AK5: variants seen among roughly 807,000 people sequenced by gnomAD.
AK5 encodes the protein adenylate kinase 5.
A neutral mutation model predicts 69.5 loss-of-function variants in AK5; 27 were observed. The ratio of observed to expected loss-of-function variants is 0.39; its 90% confidence interval spans 0.29 to 0.54. The LOEUF (loss-of-function observed/expected upper bound fraction) is 0.54, where lower values mean the gene tolerates loss of function less well. Among genes scored for constraint, AK5 ranks in the 20% least tolerant of loss-of-function variants. AK5 has a pLI of 0.71. For synonymous variants in AK5, 260 were observed against 244.4 expected (o/e 1.06, Z -0.60); for missense variants, 531 against 700.4 (o/e 0.76, Z 2.73).
chr1:77,497,937 A>G (rs1247841129), intron 10 of AK5, among the ~76,000 whole-genome samples: 1 of 99,836 alleles, frequency 1.0e-5, no homozygotes, highest in East Asian at 2.4e-4. Flanking sequence ...AGTGATGTAC[A>G]TTAAACAAGA....
chr1:77,502,855 T>G (rs1656802591), intron 10 of AK5, among the ~76,000 whole-genome samples: 1 of 152,150 alleles, frequency 6.6e-6, no homozygotes, highest in Non-Finnish European at 1.5e-5. Flanking sequence ...ACAATCCCTC[T>G]TGGACTACTC....
At chr1:77,341,674 C>A (rs1451713196) in intron 6 of AK5, among the ~76,000 whole-genome samples, 1 of 152,120 alleles carries the variant, frequency 6.6e-6, no homozygotes, top group Non-Finnish European at 1.5e-5. Context: ...AGAATAATTT[C>A]TTTGCAATCT....
rs1011017086 is a variant in AK5 at position 77,486,418 on chromosome 1, A to G, written c.1147+66A>G. On this transcript the variant is annotated intron_variant, in intron 10 of 13. Coordinates refer to ENST00000354567, the MANE Select transcript of AK5 (RefSeq NM_174858.3). ...AATAATAAGAATTTGGTAGTGGGCCAGGTGCGGTGGCTTACACCTGTAATC... is the reference window on the plus strand; with the variant it reads ...AATAATAAGAATTTGGTAGTGGGCCGGGTGCGGTGGCTTACACCTGTAATC... The G allele has an allele frequency of 3.1e-5, 39 of 1,259,844 alleles. 1 individual carries two copies. Among genetic ancestry groups the G allele is most frequent in the South Asian group, 1.0e-4 (8 of 79,778 alleles). The allele number at this position is 1,259,844 out of a possible 1,614,324, so 78.0% of individuals were successfully genotyped here.
At position 77,340,366 on chromosome 1, in the gene AK5, G is replaced by T; in HGVS notation, c.700-11G>T. 6.2e-7 allele frequency: 1 copy of T among 1,607,454 alleles called. No individual in the cohort carries two copies. Among genetic ancestry groups the T allele is most frequent in the Non-Finnish European group, 8.5e-7 (1 of 1,175,506 alleles). On this transcript the variant is annotated splice_polypyrimidine_tract_variant and intron_variant, in intron 5 of 13. Transcript: ENST00000354567. The stretch of plus-strand genomic sequence containing the variant: ...GTTGAATGCCTCTCTATTTGTTGAT[G>T]CTCTCCACAGATCTGTACCCCCGAT...
chr1:77,338,126 G>A (rs920299210), intron 5 of AK5, among the ~76,000 whole-genome samples: 3 of 152,016 alleles, frequency 2.0e-5, no homozygotes, highest in East Asian at 3.9e-4. Flanking sequence ...CATCGCACCC[G>A]GCTATTTTTT....
rs116049705 is a variant in AK5 at position 77,282,297 on chromosome 1, G to A, written c.-17G>A. 0.039 allele frequency: 60,295 copies of A among 1,546,406 alleles called. 1,466 individuals are homozygous for A. The highest frequency in any genetic ancestry group is 0.064 in the South Asian group (5,288 of 81,992). ...GGAGCCTCCCCGCTTGCGCCCCAAG[G>A]CACGCGCGGCACAGCCATGAACACC... On this transcript the variant is annotated 5_prime_UTR_variant, in exon 1 of 14. Transcript: ENST00000354567.
intron 8 of AK5, among the ~76,000 whole-genome samples, chr1:77,465,347 A>G (rs1462039775): frequency 2.0e-5 from 3 of 152,184 alleles, no homozygotes; most frequent in African/African-American, 4.8e-5. Flanking sequence ...TTGAGTTACC[A>G]TGGCAACTGC....
chr1:77,320,413 T>TTGTTTAA (rs1660468215), intron 5 of AK5, among the ~76,000 whole-genome samples: 1 of 152,154 alleles, frequency 6.6e-6, no homozygotes, highest in African/African-American at 2.4e-5. Context: ...CAAGAGACAC[T>TTGTTTAA]TTTTAAACAA....
rs1660330311 is a variant in AK5 at position 77,559,569 on chromosome 1, A to G, written c.*899A>G. ...TGTATTTATTTGTTGCCAAGCAAGT[A>G]AAAAAATACCCTAACAAACCTGATG... On this transcript the variant is annotated 3_prime_UTR_variant, in exon 14 of 14. Transcript: ENST00000354567. 1 of 152,194 alleles carries G rather than the reference A, an allele frequency of 6.6e-6. No individual in the cohort carries two copies. Among genetic ancestry groups the G allele is most frequent in the East Asian group, 1.9e-4 (1 of 5,196 alleles). 9.4% of individuals were successfully genotyped at this position (152,194 alleles called of 1,614,324 possible). A position where few individuals can be genotyped will look rare whatever the true frequency, so the allele number is the denominator to read the frequency against.
intron 5 of AK5, among the ~76,000 whole-genome samples, chr1:77,332,461 T>C (rs1029911753): frequency 6.6e-6 from 1 of 150,872 alleles, no homozygotes; most frequent in African/African-American, 2.4e-5. Flanking sequence ...GCAAATGTTT[T>C]AGAATGTCAC....
At chr1:77,356,401 A>G (rs1662528756) in intron 6 of AK5, among the ~76,000 whole-genome samples, 1 of 152,238 alleles carries the variant, frequency 6.6e-6, no homozygotes, top group African/African-American at 2.4e-5. Context: ...GAAAAAATGA[A>G]CAGGACCAGA....
At chr1:77,324,109 C>T (rs1313614924) in intron 5 of AK5, among the ~76,000 whole-genome samples, 1 of 152,090 alleles carries the variant, frequency 6.6e-6, no homozygotes, top group African/African-American at 2.4e-5. Flanking sequence ...ATAGCTATTG[C>T]CTTGTAGAGC....
intron 8 of AK5, among the ~76,000 whole-genome samples, chr1:77,474,562 C>T (rs1383373855): frequency 1.3e-5 from 2 of 152,124 alleles, no homozygotes; most frequent in East Asian, 1.9e-4. Flanking sequence ...TCAAGAAGTG[C>T]TTCAGGCTGC....
intron 6 of AK5, among the ~76,000 whole-genome samples, chr1:77,390,468 G>C (rs1046379484): frequency 2.0e-5 from 3 of 152,134 alleles, no homozygotes; most frequent in Non-Finnish European, 2.9e-5. Flanking sequence ...TGTTATTCTG[G>C]ACACTCAGGT....
At chr1:77,498,755 A>G (rs181210872) in intron 10 of AK5, among the ~76,000 whole-genome samples, 1 of 152,214 alleles carries the variant, frequency 6.6e-6, no homozygotes, top group African/African-American at 2.4e-5. Context: ...GAGGATGAGG[A>G]TGGGTTCAGA....
At chr1:77,382,449 C>T (rs1020695708) in intron 6 of AK5, among the ~76,000 whole-genome samples, 1 of 152,172 alleles carries the variant, frequency 6.6e-6, no homozygotes, top group Non-Finnish European at 1.5e-5. Flanking sequence ...CTTCCAGGCT[C>T]AAATAATCCT....
chr1:77,412,628 T>C (rs1487410685), intron 7 of AK5, among the ~76,000 whole-genome samples: 2 of 152,170 alleles, frequency 1.3e-5, no homozygotes, highest in Non-Finnish European at 2.9e-5. Flanking sequence ...TGAAATCTCC[T>C]GGCTTATAAA....
chr1:77,306,494 G>GTTTTTTTTTTTTTTT (rs869202567), intron 5 of AK5, among the ~76,000 whole-genome samples: 1 of 120,366 alleles, frequency 8.3e-6, no homozygotes, highest in African/African-American at 3.1e-5. Flanking sequence ...GTTTTTTTTT[G>GTTTTTTTTTTTTTTT]TTTTTTTTTT....
chr1:77,497,749 G>A (rs899063543), intron 10 of AK5, among the ~76,000 whole-genome samples: 5 of 151,998 alleles, frequency 3.3e-5, no homozygotes, highest in Non-Finnish European at 4.4e-5. Context: ...CACCACGCCC[G>A]GCTTATTTGG....
Sources: gnomAD v4.1 joint callset for allele counts (sites outside exome capture counted in the v4.1 genomes callset) on GRCh38, gnomAD v4.1.1 for gene constraint, MANE v1.5 for transcripts, NCBI Gene and HGNC (gene_info 2026-07-23, HGNC 2026-07-21) for gene names.